HAUS7: variants seen among roughly 807,000 people sequenced by gnomAD.
The protein encoded by HAUS7 is HAUS augmin like complex subunit 7, also known as HAUS augmin-like complex subunit 7.
Under a neutral mutation model 28.4 loss-of-function variants are expected in HAUS7, and 3 were observed. The observed-to-expected ratio is 0.11, with a 90% CI of 0.05 to 0.27. The LOEUF is 0.27. Among genes scored for constraint, HAUS7 ranks in the 10% least tolerant of loss-of-function variants. The probability of loss-of-function intolerance (pLI) is 1.00; values close to 1 mark genes in which losing one functional copy is unlikely to be tolerated. For synonymous variants in HAUS7, 165 were observed against 132.1 expected (o/e 1.25, Z -1.71); for missense variants, 284 against 297.3 (o/e 0.96, Z 0.33).
chrX:153,462,793 A>T, intron 3 of HAUS7, 122 bp from the exon 4 acceptor site: 1 of 551,684 alleles, frequency 1.8e-6, no homozygotes, highest in Non-Finnish European at 3.2e-6. Flanking sequence ...GTGGGCCAGG[A>T]GGCAGGCACC....
rs2089308038 is a variant in HAUS7, at chrX:153,456,287, T to G, written c.683A>C (p.Lys228Thr). Reference sequence around the variant, plus strand: ...CACCTCCGTTCTAAGCGCGTGCAACTTGGCAGCACTCTCCTGCAGCTGCCT... The same window carrying G: ...CACCTCCGTTCTAAGCGCGTGCAACGTGGCAGCACTCTCCTGCAGCTGCCT... ...LARQLQESAA[K>T]LHALRTEYFA... Residue 228 changes from lysine (K) to threonine (T), a missense_variant, in exon 7 of 10, where the codon AAG (lysine) becomes ACG (threonine). By Grantham distance (78) the Lys-to-Thr change is moderately conservative (BLOSUM62 -1). Coordinates refer to ENST00000370211, the MANE Select transcript of HAUS7 (RefSeq NM_001385482.1). The G allele has an allele frequency of 8.3e-7, 1 of 1,208,082 alleles. No homozygotes were observed.
chrX:153,481,467 A>C, intron 1 of HAUS7: 1 of 755,660 alleles, frequency 1.3e-6, no homozygotes. Flanking sequence ...ATGGGTGGAA[A>C]AGACCAGGAA....
chrX:153,490,252 C>T (rs1556989365), intron 1 of HAUS7, among the ~76,000 whole-genome samples: 1 of 113,043 alleles, frequency 8.8e-6, no homozygotes, highest in Non-Finnish European at 1.9e-5. Flanking sequence ...GATAGCTAGA[C>T]GCAGGCCAGG....
At chrX:153,480,475 G>T (rs920292397) in intron 1 of HAUS7, 9 of 496,061 alleles carry the variant, frequency 1.8e-5, no homozygotes, top group East Asian at 1.8e-4. Flanking sequence ...AAGGCGGGGC[G>T]GGGGGAGGCC....
At chrX:153,465,868 T>C (rs189187051) in intron 2 of HAUS7, among the ~76,000 whole-genome samples, 188 of 112,065 alleles carry the variant, frequency 1.7e-3, no homozygotes, top group African/African-American at 5.7e-3. Flanking sequence ...CCCAGAAACA[T>C]CACTCCGGCC....
At chrX:153,489,549 C>T (rs1475868434) in intron 1 of HAUS7, among the ~76,000 whole-genome samples, 1 of 112,365 alleles carries the variant, frequency 8.9e-6, no homozygotes, top group East Asian at 2.8e-4. Flanking sequence ...AAGGGAGGCA[C>T]TCATCAGTCC....
chrX:153,494,776 T>G lies in HAUS7; in HGVS notation c.-589+598A>C, dbSNP rs868966395. 6.6e-4 allele frequency among the ~76,000 whole-genome samples: 63 copies of G among 96,123 alleles called. 3 individuals are homozygous for G. The South Asian group carries it at 0.02, about 31-fold the overall frequency. The allele number at this position is 96,123 out of a possible 115,157, so 83.5% of individuals were successfully genotyped here. On this transcript the variant is annotated intron_variant, in intron 1 of 5. Coordinates refer to the HAUS7 transcript ENST00000370210. ...GTGGTGGGGGCGAGGGGGCGGGGGC[T>G]CAGCTAGTCCAGCCGTCTACAAGAA...
intron 1 of HAUS7, chrX:153,481,551 G>A (rs1186588778): frequency 4.0e-6 from 3 of 755,090 alleles, no homozygotes; most frequent in South Asian, 6.8e-5. Context: ...TGCCGGCCTC[G>A]TGCCTCCTGG....
intron 4 of HAUS7, chrX:153,462,252 C>T: frequency 1.4e-6 from 1 of 728,490 alleles, no homozygotes; most frequent in South Asian, 7.0e-5. Context: ...AACTCTCGGG[C>T]CACAAGGGCT....
upstream of HAUS7, among the ~76,000 whole-genome samples, chrX:153,471,436 A>C (rs1193385227): frequency 8.9e-6 from 1 of 112,319 alleles, no homozygotes; most frequent in Non-Finnish European, 1.9e-5. Context: ...TCTACTTAAC[A>C]AATTTTTCTA....
intron 1 of HAUS7, chrX:153,486,237 C>T (rs2089636855): frequency 2.8e-6 from 1 of 362,601 alleles, no homozygotes; most frequent in Non-Finnish European, 4.2e-6. Flanking sequence ...GGGCTCCTTA[C>T]CCACAGGCCG....
Position 153,470,551 on chromosome X carries a change from C to G in HAUS7, c.7G>C (p.Gly3Arg). ...CCACGGCCGCAGCCAGCGTCCTGCC[C>G]CGCCATGTTTCGCGCTCCGAGCCGC... MAGQDAGCGRGGD... is the reference protein window; with the variant it reads MARQDAGCGRGGD... Residue 3 changes from glycine to arginine, a missense_variant, in exon 1 of 10, where the codon GGG becomes CGG. Gly to Arg is a moderately radical substitution (Grantham distance 125). Coordinates refer to ENST00000370211, the MANE Select transcript of HAUS7 (RefSeq NM_001385482.1). 1 of 1,205,049 alleles carries G rather than the reference C, an allele frequency of 8.3e-7. No individual in the cohort carries two copies. The highest frequency in any genetic ancestry group is 1.1e-6 in the Non-Finnish European group (1 of 892,489).
intron 1 of HAUS7, among the ~76,000 whole-genome samples, chrX:153,480,190 G>A (rs1569531601): frequency 9.1e-6 from 1 of 110,409 alleles, no homozygotes; most frequent in Non-Finnish European, 1.9e-5. Context: ...GTGAGGGGAG[G>A]TGGGACCCAA....
chrX:153,455,628 C>T lies in HAUS7; in HGVS notation c.844G>A (p.Glu282Lys), dbSNP rs375613209. The T allele has an allele frequency of 1.2e-4, 142 of 1,207,880 alleles. No homozygotes were observed. Among genetic ancestry groups the T allele is most frequent in the Non-Finnish European group, 1.5e-4 (136 of 892,801 alleles). ...FLQVYDDELG[E>K]CCQRPGPDLH... is the part of the protein sequence containing the mutation. ...TCAGGGCCTGGGCGCTGGCAGCACT[C>T]GCCCAGCTCGTCGTCGTAGACTTGG... Residue 282 changes from glutamate (E) to lysine (K), a missense_variant, in exon 8 of 10, where the codon GAG (glutamate) becomes AAG (lysine). Physicochemically the swap from Glu to Lys is moderately conservative, Grantham distance 56. Coordinates refer to ENST00000370211, the MANE Select transcript of HAUS7 (RefSeq NM_001385482.1).
chrX:153,484,137 C>T (rs1175191920), intron 1 of HAUS7, among the ~76,000 whole-genome samples: 4 of 112,012 alleles, frequency 3.6e-5, no homozygotes, highest in Non-Finnish European at 7.5e-5. Context: ...TGTTCCTGGG[C>T]TTGTGGCTGC....
At chrX:153,480,914 G>C in intron 1 of HAUS7, 1 of 755,164 alleles carries the variant, frequency 1.3e-6, no homozygotes, top group African/African-American at 2.3e-5. Flanking sequence ...AAGCTCAAGA[G>C]GGGGCAGCAG....
At position 153,479,460 on chromosome X, in the gene HAUS7, A is replaced by G. The variant is rs782700193; in HGVS notation, c.-588-8315T>C. On this transcript the variant is annotated intron_variant, in intron 1 of 5. Coordinates refer to the HAUS7 transcript ENST00000370210. ...TCAGGCCCACTTTGGGTACTCAGGC[A>G]GGGCTGCAAAGGGCCCATGGCCCTG... 2,824 of 613,609 alleles carry G rather than the reference A, an allele frequency of 4.6e-3. 5 individuals carry two copies. The highest frequency in any genetic ancestry group is 5.2e-3 in the Non-Finnish European group (2,680 of 511,191). The allele number at this position is 613,609 out of a possible 1,213,427, so 50.6% of individuals were successfully genotyped here. A position where few individuals can be genotyped will look rare whatever the true frequency, so the allele number is the denominator to read the frequency against.
upstream of HAUS7, among the ~76,000 whole-genome samples, chrX:153,474,724 CGGGG>C (rs2089550829): frequency 8.1e-5 from 1 of 12,344 alleles, no homozygotes; most frequent in Non-Finnish European, 2.2e-4. Context: ...GGGGCGGGGG[CGGGG>C]GCGGGGGCGC....
chrX:153,482,260 C>CA, intron 1 of HAUS7: 2 of 743,409 alleles, frequency 2.7e-6, no homozygotes, highest in Non-Finnish European at 3.2e-6. Flanking sequence ...AAGCCATGCC[C>CA]AGGAAGGCCT....
Sources: allele counts gnomAD v4.1 joint callset (sites outside exome capture counted in the v4.1 genomes callset), GRCh38; gene constraint gnomAD v4.1.1; transcripts MANE v1.5; gene names NCBI Gene and HGNC (gene_info 2026-07-23, HGNC 2026-07-21).